The following FOXN3 variants were observed in gnomAD, a reference collection of about 807,000 sequenced individuals.
FOXN3 encodes the protein forkhead box protein N3.
In FOXN3, 7 loss-of-function variants were observed where a neutral mutation model predicts 38.4. The ratio of observed to expected loss-of-function variants is 0.18; its 90% CI spans 0.10 to 0.34. The LOEUF is 0.34. Ranked by LOEUF, FOXN3 falls within the 10% of genes least tolerant of loss-of-function variation. The pLI is 1.00. For synonymous variants in FOXN3, 230 were observed against 242.2 expected, an observed-to-expected ratio of 0.95 and a Z score of 0.47; for missense variants, 456 against 613.4, an observed-to-expected ratio of 0.74 and a Z score of 2.71.
chr14:89,315,867 G>A (rs1404694017), intron 3 of FOXN3, among the ~76,000 whole-genome samples: 3 of 152,136 alleles, frequency 2.0e-5, no homozygotes, highest in African/African-American at 4.8e-5. Context: ...AGGGAAGTGG[G>A]GCTAAAGGGG....
intron 1 of FOXN3, among the ~76,000 whole-genome samples, chr14:89,506,305 G>A (rs1298685079): frequency 2.0e-4 from 14 of 70,708 alleles, no homozygotes; most frequent in Admixed American, 3.2e-4. Context: ...CCGGCCAGCC[G>A]CCCCGTCCGG....
intron 1 of FOXN3, among the ~76,000 whole-genome samples, chr14:89,570,833 G>A (rs1430487377): frequency 6.6e-6 from 1 of 152,088 alleles, no homozygotes; most frequent in Non-Finnish European, 1.5e-5. Context: ...CTCAAGTTCA[G>A]TTGTCTACCT....
At chr14:89,340,070 C>A (rs1169886483) in intron 3 of FOXN3, among the ~76,000 whole-genome samples, 1 of 150,070 alleles carries the variant, frequency 6.7e-6, no homozygotes, top group Admixed American at 6.6e-5. Flanking sequence ...CCCACAGCTG[C>A]AAAGAGAAAG....
Position 89,177,727 on chromosome 14 carries a change from C to T in FOXN3, c.851+2974G>A, listed in dbSNP as rs142924372. On this transcript the variant is annotated intron_variant, in intron 5 of 5. Coordinates refer to ENST00000557258, the MANE Select transcript of FOXN3 (RefSeq NM_005197.4). ...GTACCTCAGCAGCAGCATTCATTCTCGGAGGTGCCAAACCCAGTTTGCAGT... is the reference window on the plus strand; with the variant it reads ...GTACCTCAGCAGCAGCATTCATTCTTGGAGGTGCCAAACCCAGTTTGCAGT... Among the ~76,000 whole-genome samples, 127 of 152,186 alleles carry T rather than the reference C, an allele frequency of 8.3e-4. 1 individual carries two copies. In the East Asian group the frequency reaches 9.3e-3, roughly 11 times the overall value.
intron 3 of FOXN3, among the ~76,000 whole-genome samples, chr14:89,325,314 GACC>G (rs774094314): frequency 0.084 from 8,496 of 101,508 alleles, 387 homozygotes; most frequent in Non-Finnish European, 0.11. Flanking sequence ...CCACCACCAC[GACC>G]ACCACCACCA....
intron 1 of FOXN3, among the ~76,000 whole-genome samples, chr14:89,515,448 G>A (rs532100931): frequency 2.5e-4 from 38 of 152,226 alleles, no homozygotes; most frequent in Non-Finnish European, 4.3e-4. Flanking sequence ...AAATGTGGCC[G>A]GGCACAGTGG....
At chr14:89,220,624 G>C (rs547617780) in intron 4 of FOXN3, among the ~76,000 whole-genome samples, 91 of 152,310 alleles carry the variant, frequency 6.0e-4, no homozygotes, top group African/African-American at 2.1e-3. Flanking sequence ...ATCGGGAAGA[G>C]AGCGGTGGCC....
intron 4 of FOXN3, among the ~76,000 whole-genome samples, chr14:89,204,091 ACACACACACAC>A (rs1566928491): frequency 4.1e-5 from 6 of 144,740 alleles, no homozygotes; most frequent in East Asian, 2.0e-4. Flanking sequence ...ACACACACAC[ACACACACACAC>A]AACTACTACT....
upstream of FOXN3, among the ~76,000 whole-genome samples, chr14:89,419,947 G>C (rs569807053): frequency 5.9e-5 from 9 of 152,300 alleles, no homozygotes; most frequent in South Asian, 1.9e-3. Context: ...GGAAGAGTCC[G>C]AGGCAGGCCT....
chr14:89,401,654 G>A (rs1477414427), intron 2 of FOXN3: 2 of 455,870 alleles, frequency 4.4e-6, no homozygotes, highest in East Asian at 6.9e-5. Flanking sequence ...TAGAGTCAGC[G>A]CTCACATGAC....
chr14:89,298,820 T>C (rs1887128309), intron 3 of FOXN3, among the ~76,000 whole-genome samples: 1 of 152,246 alleles, frequency 6.6e-6, no homozygotes, highest in Admixed American at 6.5e-5. Flanking sequence ...GAGGAACCCC[T>C]GCAGCTGCCT....
chr14:89,381,415 T>C (rs942140498), intron 2 of FOXN3, among the ~76,000 whole-genome samples: 10 of 148,234 alleles, frequency 6.7e-5, no homozygotes, highest in Non-Finnish European at 1.3e-4. Context: ...TCTGGTGACA[T>C]AACCATAAGA....
chr14:89,533,516 A>G (rs1041600420), intron 1 of FOXN3, among the ~76,000 whole-genome samples: 1 of 152,244 alleles, frequency 6.6e-6, no homozygotes, highest in East Asian at 1.9e-4. Flanking sequence ...ACAGAAAATT[A>G]GCCGGGCATG....
intron 3 of FOXN3, among the ~76,000 whole-genome samples, chr14:89,323,038 C>A (rs756789407): frequency 1.3e-5 from 2 of 152,024 alleles, no homozygotes; most frequent in Non-Finnish European, 2.9e-5. Flanking sequence ...CCTGTAATCC[C>A]AGCACTTTGG....
intron 4 of FOXN3, among the ~76,000 whole-genome samples, chr14:89,280,370 GCAGCTGAGTTGAGCTGGACAA>G (rs1361352426): frequency 8.7e-4 from 133 of 152,310 alleles, no homozygotes; most frequent in African/African-American, 3.1e-3. Context: ...CTAGGACAAG[GCAGCTGAGTTGAGCTGGACAA>G]CAGCAAGGGT....
intron 2 of FOXN3, among the ~76,000 whole-genome samples, chr14:89,388,130 G>T (rs1333490129): frequency 6.6e-6 from 1 of 152,238 alleles, no homozygotes; most frequent in Non-Finnish European, 1.5e-5. Context: ...GTTGCAGTGA[G>T]CCGAGATTGC....
intron 1 of FOXN3, among the ~76,000 whole-genome samples, chr14:89,492,943 G>A (rs1181005890): frequency 3.3e-5 from 5 of 152,092 alleles, no homozygotes; most frequent in Admixed American, 6.5e-5. Flanking sequence ...CACATGCGTG[G>A]GTGCTCAGAA....
At chr14:89,303,925 T>C (rs1486317971) in intron 3 of FOXN3, among the ~76,000 whole-genome samples, 1 of 152,160 alleles carries the variant, frequency 6.6e-6, no homozygotes, top group Non-Finnish European at 1.5e-5. Context: ...ACAAGACGCC[T>C]TGTAACTTTG....
At chr14:89,508,725 T>A (rs1308617891) in intron 1 of FOXN3, among the ~76,000 whole-genome samples, 1 of 152,184 alleles carries the variant, frequency 6.6e-6, no homozygotes, top group Admixed American at 6.5e-5. Context: ...ATGGATCACC[T>A]GCAGGCCCTG....
Sources: gnomAD v4.1 joint callset for allele counts (sites outside exome capture counted in the v4.1 genomes callset) on GRCh38, gnomAD v4.1.1 for gene constraint, MANE v1.5 for transcripts, NCBI Gene and HGNC (gene_info 2026-07-23, HGNC 2026-07-21) for gene names.